Variants in SEC14L1 observed in about 807,000 individuals in gnomAD.
SEC14L1 encodes the protein SEC14-like protein 1.
In SEC14L1, 48 loss-of-function variants were observed where a neutral mutation model predicts 85.3. The observed-to-expected ratio is 0.56, with a 90% CI of 0.45 to 0.72. The LOEUF (loss-of-function observed/expected upper bound fraction) is 0.72. Ranked by LOEUF, SEC14L1 falls within the 30% of genes least tolerant of loss-of-function variation. The pLI is 0.00. For missense variants in SEC14L1, 682 were observed against 921.4 expected (o/e 0.74, Z 3.36); for synonymous variants, 391 against 355.5 (o/e 1.10, Z -1.12).
chr17:77,102,842 C>T (rs1407848398), intron 3 of SEC14L1, among the ~76,000 whole-genome samples: 1 of 152,054 alleles, frequency 6.6e-6, no homozygotes, highest in East Asian at 1.9e-4. Flanking sequence ...TACTTTGTGG[C>T]TCAGGCTGGA....
At chr17:77,158,598 G>A (rs1973910211) in intron 3 of SEC14L1, among the ~76,000 whole-genome samples, 1 of 151,556 alleles carries the variant, frequency 6.6e-6, no homozygotes, top group South Asian at 2.1e-4. Context: ...GTTGTAGCAT[G>A]TGCAGAATTC....
Position 77,213,827 on chromosome 17 carries a change from A to G in SEC14L1, c.2043-91A>G. 1.3e-6 allele frequency: 2 copies of G among 1,482,630 alleles called. No individual in the cohort carries two copies. Among genetic ancestry groups the G allele is most frequent in the Non-Finnish European group, 1.9e-6 (2 of 1,063,478 alleles). The allele number at this position is 1,482,630 out of a possible 1,614,324, so 91.8% of individuals were successfully genotyped here. A position where few individuals can be genotyped will look rare whatever the true frequency, so the allele number is the denominator to read the frequency against. On this transcript the variant is annotated intron_variant, in intron 16 of 16. Coordinates refer to ENST00000436233, the MANE Select transcript of SEC14L1 (RefSeq NM_001143998.2). The surrounding 1 kb of genome is among the most constrained non-coding windows in gnomAD (Gnocchi z 7.1). The stretch of plus-strand genomic sequence containing the variant: ...TGGGGATGAGAAGTGAGCAGAGAAC[A>G]GGGTGGGCCACGAAGTCCAGCAGGC...
intron 3 of SEC14L1, among the ~76,000 whole-genome samples, chr17:77,096,149 A>T (rs1324967495): frequency 6.7e-6 from 1 of 149,944 alleles, no homozygotes; most frequent in South Asian, 2.1e-4. Context: ...CTCCCACCTC[A>T]GCCTCCCAAA....
chr17:77,139,921 A>C (rs1362506960), upstream of SEC14L1, among the ~76,000 whole-genome samples: 2 of 152,110 alleles, frequency 1.3e-5, no homozygotes, highest in Non-Finnish European at 2.9e-5. Flanking sequence ...GCCATGAATG[A>C]TTTGCTTGTG....
chr17:77,200,601 A>C lies in SEC14L1; in HGVS notation c.937A>C (p.Ile313Leu), dbSNP rs1460702372. 1.9e-6 allele frequency: 3 copies of C among 1,614,210 alleles called. No individual in the cohort carries two copies. The highest frequency in any genetic ancestry group is 1.7e-6 in the Non-Finnish European group (2 of 1,180,024). The change falls in exon 9 of 17, where the codon ATT (isoleucine) becomes CTT (leucine). Residue 313 changes from isoleucine (I) to leucine (L), a missense_variant. By Grantham distance (5) the Ile-to-Leu change is conservative. This residue lies in a region of SEC14L1 where 420 missense variants were observed against 619.5 expected (regional missense o/e 0.68). Transcript: ENST00000436233. Reference protein sequence around the residue: ...TWRKQHQVDYILETWTPPQVL... With the variant: ...TWRKQHQVDYLLETWTPPQVL... ...GAGAAAGCAGCATCAGGTAGACTACATTCTTGAAACCTGGACCCCTCCTCA... is the reference window on the plus strand; with the variant it reads ...GAGAAAGCAGCATCAGGTAGACTACCTTCTTGAAACCTGGACCCCTCCTCA...
intron 3 of SEC14L1, among the ~76,000 whole-genome samples, chr17:77,115,142 C>T (rs1020859357): frequency 1.3e-5 from 2 of 151,786 alleles, no homozygotes; most frequent in African/African-American, 4.8e-5. Flanking sequence ...TTTAAAGCTG[C>T]AAGCCCGGCC....
At chr17:77,160,585 A>G (rs1046811501) in intron 3 of SEC14L1, among the ~76,000 whole-genome samples, 7 of 152,236 alleles carry the variant, frequency 4.6e-5, no homozygotes, top group African/African-American at 1.4e-4. Flanking sequence ...GTGGCATGCA[A>G]AGTATTTGAC....
At chr17:77,179,992 A>G (rs948750613) in intron 3 of SEC14L1, among the ~76,000 whole-genome samples, 1 of 142,740 alleles carries the variant, frequency 7.0e-6, no homozygotes, top group Non-Finnish European at 1.6e-5. Flanking sequence ...ATTTGTTTTT[A>G]GGTTTTTATT....
chr17:77,173,924 G>A (rs914382602), intron 3 of SEC14L1, among the ~76,000 whole-genome samples: 2 of 150,182 alleles, frequency 1.3e-5, no homozygotes, highest in African/African-American at 4.9e-5. Flanking sequence ...TTTTTAAGGT[G>A]GAGTCTTGCT....
intron 13 of SEC14L1, among the ~76,000 whole-genome samples, chr17:77,208,297 T>C (rs1976568296): frequency 6.6e-6 from 1 of 152,220 alleles, no homozygotes; most frequent in Admixed American, 6.5e-5. Flanking sequence ...AGCAAGCGCC[T>C]ATGAGGTTAA....
chr17:77,125,887 C>T (rs1248183061), intron 3 of SEC14L1, among the ~76,000 whole-genome samples: 1 of 152,194 alleles, frequency 6.6e-6, no homozygotes, highest in African/African-American at 2.4e-5. Context: ...CGGGGTGGCT[C>T]ACACCTGTAA....
chr17:77,199,788 C>G (rs572907056), intron 8 of SEC14L1, among the ~76,000 whole-genome samples: 1 of 152,296 alleles, frequency 6.6e-6, no homozygotes, highest in African/African-American at 2.4e-5. Context: ...ACTGATAATG[C>G]TGATTTTCTC....
chr17:77,144,290 G>C (rs1973179720), intron 3 of SEC14L1, among the ~76,000 whole-genome samples: 2 of 152,096 alleles, frequency 1.3e-5, no homozygotes, highest in African/African-American at 4.8e-5. Flanking sequence ...ACAGACAGGA[G>C]AATGTGTCTT....
At chr17:77,120,498 A>G (rs1055015404) in intron 3 of SEC14L1, among the ~76,000 whole-genome samples, 1 of 149,966 alleles carries the variant, frequency 6.7e-6, no homozygotes, top group Non-Finnish European at 1.5e-5. Context: ...TTTTTTTTTA[A>G]TGAAGTCTTG....
At chr17:77,178,062 C>T (rs888404473) in intron 3 of SEC14L1, among the ~76,000 whole-genome samples, 3 of 148,144 alleles carry the variant, frequency 2.0e-5, no homozygotes, top group African/African-American at 7.5e-5. Flanking sequence ...CCCTCCCCCC[C>T]CCCTTTTTTT....
chr17:77,089,877 C>T, intron 2 of SEC14L1: 1 of 170,048 alleles, frequency 5.9e-6, no homozygotes, highest in South Asian at 1.1e-4. Context: ...ATTAGCTGGG[C>T]ATGGTGGCAT....
intron 4 of SEC14L1, 91 bp from the exon 5 acceptor site, chr17:77,191,090 C>A: frequency 1.3e-6 from 2 of 1,503,764 alleles, no homozygotes; most frequent in Non-Finnish European, 1.8e-6. Context: ...TCCTGGAGGG[C>A]AGCCCCCAGA....
At chr17:77,111,508 G>T (rs1057219284) in intron 3 of SEC14L1, among the ~76,000 whole-genome samples, 11 of 152,188 alleles carry the variant, frequency 7.2e-5, no homozygotes, top group Non-Finnish European at 1.2e-4. Flanking sequence ...CAGCCGGGAG[G>T]GGGGCTGAAC....
At chr17:77,194,343 C>T (rs1324788356) in intron 6 of SEC14L1, among the ~76,000 whole-genome samples, 2 of 151,878 alleles carry the variant, frequency 1.3e-5, no homozygotes, top group African/African-American at 2.4e-5. Flanking sequence ...TTGCTCGAGC[C>T]CAAGAGTTCG....
Sources: gnomAD v4.1 joint callset for allele counts (sites outside exome capture counted in the v4.1 genomes callset) on GRCh38, gnomAD v4.1.1 for gene constraint, gnomAD v4.1.1 regional missense constraint, Gnocchi (gnomAD v3.1) non-coding constraint, MANE v1.5 for transcripts, NCBI Gene and HGNC (gene_info 2026-07-23, HGNC 2026-07-21) for gene names.